Variants in MYO10 observed in about 807,000 individuals in gnomAD.
MYO10 encodes the protein myosin X.
Under a neutral mutation model 257.3 loss-of-function variants are expected in MYO10, and 133 were observed. The observed-to-expected ratio is 0.52, with a 90% CI of 0.45 to 0.60. MYO10 has a LOEUF of 0.60. Among genes scored for constraint, MYO10 ranks in the 20% least tolerant of loss-of-function variants. The pLI is 0.00. For synonymous variants in MYO10, 1,104 were observed against 1,028.6 expected (o/e 1.07, Z -1.40); for missense variants, 2,399 against 2,635.7 (o/e 0.91, Z 1.97).
intron 17 of MYO10, among the ~76,000 whole-genome samples, chr5:16,760,051 A>G (rs527469827): frequency 5.5e-4 from 84 of 152,200 alleles, no homozygotes; most frequent in Middle Eastern, 6.8e-3. Flanking sequence ...TTAGATATAA[A>G]CATGTGTTTT....
Position 16,675,286 on chromosome 5 carries a change from C to T in MYO10, c.4667-136G>A. On this transcript the variant is annotated intron_variant, in intron 34 of 40. Transcript: ENST00000513610. ...TGCCCACCACACTCCCTATACATCT[C>T]AATCAGTTGAACACAGATCTAAAAG... is the stretch of plus-strand genomic sequence containing the variant. The T allele has an allele frequency of 8.4e-6, 7 of 838,178 alleles. No individual in the cohort carries two copies. In the South Asian group the frequency reaches 1.1e-4, roughly 14 times the overall value. The allele number at this position is 838,178 out of a possible 1,614,324, so 51.9% of individuals were successfully genotyped here. A position where few individuals can be genotyped will look rare whatever the true frequency, so the allele number is the denominator to read the frequency against.
intron 19 of MYO10, among the ~76,000 whole-genome samples, chr5:16,729,605 C>T (rs1739503692): frequency 6.6e-6 from 1 of 151,930 alleles, no homozygotes; most frequent in Non-Finnish European, 1.5e-5. Context: ...GCACCACACC[C>T]GGCTAATTTT....
chr5:16,823,467 G>GGTTTTTTTTTTTTTTTTTTTT (rs1561003861), intron 2 of MYO10, among the ~76,000 whole-genome samples: 1 of 3,978 alleles, frequency 2.5e-4, no homozygotes, highest in African/African-American at 9.8e-4. Flanking sequence ...GGGGAGTGGG[G>GGTTTTTTTTTTTTTTTTTTTT]ATTTTTTTTT....
At chr5:16,866,055 ACAC>A (rs1744239843) in intron 2 of MYO10, among the ~76,000 whole-genome samples, 1 of 150,490 alleles carries the variant, frequency 6.6e-6, no homozygotes, top group Admixed American at 6.6e-5. Flanking sequence ...ACACACACAC[ACAC>A]AAAACAATAG....
intron 1 of MYO10, among the ~76,000 whole-genome samples, chr5:16,925,471 T>C (rs150821006): frequency 6.6e-6 from 1 of 152,002 alleles, no homozygotes; most frequent in East Asian, 1.9e-4. Context: ...GAGTAGGTGG[T>C]GCAATCTCGG....
chr5:16,900,396 G>C (rs1438999010), intron 1 of MYO10, among the ~76,000 whole-genome samples: 1 of 152,180 alleles, frequency 6.6e-6, no homozygotes, highest in East Asian at 1.9e-4. Context: ...TTTAATTAGA[G>C]TTTGCAGGGG....
rs147172151 is a variant in MYO10, at chr5:16,754,510, G to A, written c.1929+318C>T. Among the ~76,000 whole-genome samples, 13 of 150,682 alleles carry A rather than the reference G, an allele frequency of 8.6e-5. No homozygotes were observed. The East Asian group carries it at 2.5e-3, about 29-fold the overall frequency. On this transcript the variant is annotated intron_variant, in intron 19 of 40. Coordinates refer to ENST00000513610, the MANE Select transcript of MYO10 (RefSeq NM_012334.3). ...AGCCACCACACATCAAATATTTCCT[G>A]TAAAATGATGTATCACACTCTGAAA...
At chr5:16,872,325 A>C (rs1744476600) in intron 2 of MYO10, among the ~76,000 whole-genome samples, 1 of 152,204 alleles carries the variant, frequency 6.6e-6, no homozygotes, top group Non-Finnish European at 1.5e-5. Context: ...CCACTCACTG[A>C]AGTATTTAAA....
chr5:16,803,153 T>C (rs988112271), intron 3 of MYO10, among the ~76,000 whole-genome samples: 1 of 152,042 alleles, frequency 6.6e-6, no homozygotes. Context: ...AGGCCAGGCC[T>C]GATGGCTCAT....
chr5:16,931,515 T>C (rs1435689489), intron 1 of MYO10, among the ~76,000 whole-genome samples: 5 of 152,098 alleles, frequency 3.3e-5, no homozygotes, highest in Non-Finnish European at 7.4e-5. Flanking sequence ...CCACATGATA[T>C]GGAGTGAGGA....
Position 16,701,281 on chromosome 5 carries a change from G to C in MYO10, c.3114C>G (p.Asp1038Glu). The C allele has an allele frequency of 6.2e-7, 1 of 1,613,872 alleles. No individual in the cohort carries two copies. Among genetic ancestry groups the C allele is most frequent in the Non-Finnish European group, 8.5e-7 (1 of 1,179,864 alleles). Reference protein sequence around the residue: ...DSSEEDPYMNDTVVPTSPSAD... With the variant: ...DSSEEDPYMNETVVPTSPSAD... ...CACTGGGGCTGGTGGGCACCACCGT[G>C]TCGTTCATGTATGGGTCCTCCTCTG... The change falls in exon 25 of 41, where the codon GAC becomes GAG. Residue 1038 changes from aspartate (D) to glutamate (E), a missense_variant. By Grantham distance (45) the Asp-to-Glu change is conservative. This residue lies in a region of MYO10 where 1,820 missense variants were observed against 1,939.4 expected (regional missense o/e 0.94). Coordinates refer to ENST00000513610, the MANE Select transcript of MYO10 (RefSeq NM_012334.3). This position sits in a 1 kb window ranked among gnomAD's most constrained non-coding sequence, Gnocchi z 8.1.
intron 3 of MYO10, among the ~76,000 whole-genome samples, chr5:16,814,048 C>A (rs888958381): frequency 7.2e-5 from 11 of 152,214 alleles, no homozygotes; most frequent in African/African-American, 2.7e-4. Context: ...ACGGATCCTC[C>A]TCTAGAGCAT....
chr5:16,793,017 A>G lies in MYO10; in HGVS notation c.467+1629T>C, dbSNP rs149508718. 2.0e-3 allele frequency among the ~76,000 whole-genome samples: 305 copies of G among 152,336 alleles called. 5 individuals carry two copies. In the East Asian group the frequency reaches 0.055, roughly 27 times the overall value. ...TGCCACAAGTTGGGACTAGAAAGCC[A>G]TCTGAAGCAGATGTCGGAATCTTCG... On this transcript the variant is annotated intron_variant, in intron 4 of 40. Coordinates refer to ENST00000513610, the MANE Select transcript of MYO10 (RefSeq NM_012334.3).
intron 1 of MYO10, among the ~76,000 whole-genome samples, chr5:16,924,194 C>G (rs531429980): frequency 6.6e-6 from 1 of 151,956 alleles, no homozygotes; most frequent in Non-Finnish European, 1.5e-5. Flanking sequence ...TGGCCTTAAA[C>G]GAACATCAAC....
chr5:16,935,290 CT>C (rs1746403551), intron 1 of MYO10, among the ~76,000 whole-genome samples: 1 of 152,226 alleles, frequency 6.6e-6, no homozygotes, highest in South Asian at 2.1e-4. Context: ...CGATTAAACC[CT>C]TGCCTCTCCT....
At chr5:16,672,903 A>T in intron 36 of MYO10, 78 bp from the exon 37 acceptor site, 2 of 1,506,228 alleles carry the variant, frequency 1.3e-6, no homozygotes, top group Non-Finnish European at 8.9e-7. Flanking sequence ...CCATCACCTG[A>T]TCCCAGAGGG....
intron 2 of MYO10, among the ~76,000 whole-genome samples, chr5:16,867,485 G>T (rs1009206703): frequency 1.3e-5 from 2 of 152,200 alleles, no homozygotes; most frequent in East Asian, 1.9e-4. Context: ...GGAAGGGGAG[G>T]GGGGAGCAAA....
chr5:16,828,983 C>T (rs922493020), intron 2 of MYO10, among the ~76,000 whole-genome samples: 1 of 152,106 alleles, frequency 6.6e-6, no homozygotes, highest in African/African-American at 2.4e-5. Flanking sequence ...GTTAGCTGGA[C>T]CCTGGGGATA....
intron 11 of MYO10, among the ~76,000 whole-genome samples, chr5:16,764,725 G>A (rs1579964595): frequency 6.6e-6 from 1 of 152,088 alleles, no homozygotes; most frequent in Non-Finnish European, 1.5e-5. Flanking sequence ...GTCTAGCTCT[G>A]TCACCCAGGC....
Sources: gnomAD v4.1 joint callset for allele counts (sites outside exome capture counted in the v4.1 genomes callset) on GRCh38, gnomAD v4.1.1 for gene constraint, gnomAD v4.1.1 regional missense constraint, Gnocchi (gnomAD v3.1) non-coding constraint, MANE v1.5 for transcripts, NCBI Gene and HGNC (gene_info 2026-07-23, HGNC 2026-07-21) for gene names.